CFAP299: variants seen among roughly 807,000 people sequenced by gnomAD.
CFAP299 encodes the protein cilia- and flagella-associated protein 299.
In CFAP299, 21 loss-of-function variants were observed where a neutral mutation model predicts 27.0. The observed-to-expected ratio is 0.78, with a 90% CI of 0.55 to 1.12. The LOEUF (loss-of-function observed/expected upper bound fraction) is 1.12. Ranked by LOEUF, CFAP299 falls within the 50% of genes most tolerant of loss-of-function variation. The pLI, the probability that CFAP299 is intolerant of heterozygous loss-of-function variation, is 0.00. For missense variants in CFAP299, 310 were observed against 276.6 expected (o/e 1.12, Z -0.86); for synonymous variants, 104 against 98.1 (o/e 1.06, Z -0.36).
At chr4:80,716,841 C>G (rs1722515038) in intron 3 of CFAP299, among the ~76,000 whole-genome samples, 1 of 152,042 alleles carries the variant, frequency 6.6e-6, no homozygotes, top group South Asian at 2.1e-4. Flanking sequence ...CAGATGATCT[C>G]TGATGGTCTG....
In CFAP299 at chr4:80,473,221, C is replaced by T. The variant is rs114979139; in HGVS notation, c.243-109872C>T. Among the ~76,000 whole-genome samples, 1,292 of 152,102 alleles carry T rather than the reference C, an allele frequency of 8.5e-3. 13 individuals are homozygous for T. The highest frequency in any genetic ancestry group is 0.029 in the African/African-American group (1,207 of 41,502). On this transcript the variant is annotated intron_variant, in intron 2 of 5. Transcript: ENST00000358105. Reference sequence around the variant, plus strand: ...AAGCCTGCATAGAGGGGGATACAGCCAAGCTGAGACCTTACAGATGAGTAG... The same window carrying T: ...AAGCCTGCATAGAGGGGGATACAGCTAAGCTGAGACCTTACAGATGAGTAG...
chr4:80,362,111 T>G (rs953060397), intron 1 of CFAP299, among the ~76,000 whole-genome samples: 7 of 64,168 alleles, frequency 1.1e-4, no homozygotes, highest in African/African-American at 1.8e-4. Flanking sequence ...CCTAAAATAC[T>G]GGGAAGTTTT....
chr4:80,781,772 A>T (rs1050570303), intron 3 of CFAP299, among the ~76,000 whole-genome samples: 2 of 151,950 alleles, frequency 1.3e-5, no homozygotes, highest in African/African-American at 4.8e-5. Flanking sequence ...ATAATTTAGG[A>T]TAAAGGAAGT....
chr4:80,824,361 AGCAG>A (rs1287959177), intron 3 of CFAP299, among the ~76,000 whole-genome samples: 1 of 152,148 alleles, frequency 6.6e-6, no homozygotes, highest in Admixed American at 6.6e-5. Context: ...ACACGGTTTC[AGCAG>A]CTAGAGTGGG....
intron 3 of CFAP299, among the ~76,000 whole-genome samples, chr4:80,831,453 C>T (rs1398216511): frequency 6.6e-6 from 1 of 152,000 alleles, no homozygotes; most frequent in Admixed American, 6.6e-5. Flanking sequence ...CTTAAACTTC[C>T]CAACGAGGCC....
chr4:80,943,159 C>G (rs1463661690), intron 4 of CFAP299, among the ~76,000 whole-genome samples: 1 of 152,142 alleles, frequency 6.6e-6, no homozygotes, highest in Non-Finnish European at 1.5e-5. Context: ...ACTAAACAGA[C>G]AAAGATATTT....
Position 80,373,002 on chromosome 4 carries a change from G to A in CFAP299, c.242+10118G>A, listed in dbSNP as rs142572444. On this transcript the variant is annotated intron_variant, in intron 2 of 5. Coordinates refer to ENST00000358105, the MANE Select transcript of CFAP299 (RefSeq NM_152770.3). ...GCAACTGCAATTAGGGCTACTACTT[G>A]GAGGAGCTTGTGGTAGTCTACACTT... is the stretch of plus-strand genomic sequence containing the variant. 9.9e-4 allele frequency among the ~76,000 whole-genome samples: 151 copies of A among 152,310 alleles called. No homozygotes were observed. The Middle Eastern group carries it at 0.014, about 14-fold the overall frequency.
chr4:80,451,139 G>C lies in CFAP299; in HGVS notation c.242+88255G>C, dbSNP rs1728885009. ...ACTGTTTTGGAGGCTGGAAGTCCAA[G>C]ATCAAGGTATGAGCAGGGTTGGTCC... On this transcript the variant is annotated intron_variant, in intron 2 of 5. Transcript: ENST00000358105. Among the ~76,000 whole-genome samples the C allele has an allele frequency of 2.0e-5, 3 of 152,182 alleles. No homozygotes were observed. In the South Asian group the frequency reaches 6.2e-4, roughly 32 times the overall value.
chr4:80,566,279 G>T (rs748878970), intron 2 of CFAP299, among the ~76,000 whole-genome samples: 4 of 152,010 alleles, frequency 2.6e-5, no homozygotes, highest in Non-Finnish European at 5.9e-5. Flanking sequence ...CTTTCTAATA[G>T]TATTTTTTTA....
At chr4:80,499,029 G>A (rs1372584735) in intron 2 of CFAP299, among the ~76,000 whole-genome samples, 1 of 152,124 alleles carries the variant, frequency 6.6e-6, no homozygotes, top group Non-Finnish European at 1.5e-5. Flanking sequence ...TCACTTATAA[G>A]TGGGAACTAA....
At chr4:80,915,766 T>G (rs1397410509) in intron 4 of CFAP299, among the ~76,000 whole-genome samples, 1 of 152,094 alleles carries the variant, frequency 6.6e-6, no homozygotes, top group East Asian at 1.9e-4. Flanking sequence ...AATCTGCTGT[T>G]AATTCCATCA....
intron 4 of CFAP299, among the ~76,000 whole-genome samples, chr4:80,887,520 C>T (rs1343997509): frequency 1.3e-5 from 2 of 152,070 alleles, no homozygotes; most frequent in East Asian, 1.9e-4. Context: ...AATAACTTCC[C>T]AGAAAAACAA....
At chr4:80,743,642 A>G (rs1252339089) in intron 3 of CFAP299, among the ~76,000 whole-genome samples, 1 of 152,204 alleles carries the variant, frequency 6.6e-6, no homozygotes, top group Non-Finnish European at 1.5e-5. Context: ...TGAAATCTAT[A>G]AAATATGACT....
chr4:80,520,635 G>GA lies in CFAP299; in HGVS notation c.243-62455dup, dbSNP rs1445406595. On this transcript the variant is annotated intron_variant, in intron 2 of 5. Coordinates refer to ENST00000358105, the MANE Select transcript of CFAP299 (RefSeq NM_152770.3). ...TTGAGGCAAGTCTTGCCTGTGAGATGAAACCTTGATTGTTTCTCTCTCTTC... is the reference window on the plus strand; with the variant it reads ...TTGAGGCAAGTCTTGCCTGTGAGATGAAAACCTTGATTGTTTCTCTCTCTTC... Among the ~76,000 whole-genome samples the GA allele has an allele frequency of 2.6e-5, 4 of 152,176 alleles. No homozygotes were observed. In the East Asian group the frequency reaches 7.7e-4, roughly 29 times the overall value.
At chr4:80,896,080 C>T (rs1372768961) in intron 4 of CFAP299, among the ~76,000 whole-genome samples, 2 of 151,946 alleles carry the variant, frequency 1.3e-5, no homozygotes, top group African/African-American at 2.4e-5. Context: ...TTTAATGTTA[C>T]AAATATTAAA....
At chr4:80,670,904 G>T (rs1042699859) in intron 3 of CFAP299, among the ~76,000 whole-genome samples, 10 of 151,954 alleles carry the variant, frequency 6.6e-5, no homozygotes, top group Non-Finnish European at 1.5e-5. Flanking sequence ...TTGTCAGATG[G>T]GTAGATTGCA....
At chr4:80,851,127 C>T (rs1209569033) in intron 3 of CFAP299, among the ~76,000 whole-genome samples, 1 of 152,000 alleles carries the variant, frequency 6.6e-6, no homozygotes, top group Non-Finnish European at 1.5e-5. Flanking sequence ...AACCTCAAAA[C>T]TGGAGATAAA....
At chr4:80,954,784 G>T (rs541405998) in intron 5 of CFAP299, among the ~76,000 whole-genome samples, 1 of 151,950 alleles carries the variant, frequency 6.6e-6, no homozygotes, top group South Asian at 2.1e-4. Context: ...CGGACCACGA[G>T]GTCAGGTGAT....
At chr4:80,891,778 T>A (rs71631341) in intron 4 of CFAP299, among the ~76,000 whole-genome samples, 508 of 25,442 alleles carry the variant, frequency 0.02, 7 homozygotes, top group African/African-American at 0.05. Flanking sequence ...AAAAAAAAAT[T>A]AAAAAAAAAA....
Sources: allele counts gnomAD v4.1 joint callset (sites outside exome capture counted in the v4.1 genomes callset), GRCh38; gene constraint gnomAD v4.1.1; transcripts MANE v1.5; gene names NCBI Gene and HGNC (gene_info 2026-07-23, HGNC 2026-07-21).